COL5A2: variants seen among roughly 807,000 people sequenced by gnomAD.
COL5A2 encodes collagen alpha-2(V) chain.
Under a neutral mutation model 208.2 loss-of-function variants are expected in COL5A2, and 23 were observed. The observed-to-expected ratio is 0.11, with a 90% CI of 0.08 to 0.16. The LOEUF is 0.16. Among genes scored for constraint, COL5A2 ranks in the 10% least tolerant of loss-of-function variants. COL5A2 has a pLI of 1.00. For missense variants in COL5A2, 1,590 were observed against 1,956.4 expected (o/e 0.81, Z 3.53); for synonymous variants, 625 against 628.5 (o/e 0.99, Z 0.08).
At position 189,058,346 on chromosome 2, in the gene COL5A2, C is replaced by A; in HGVS notation, c.2229+83G>T. Reference sequence around the variant, plus strand: ...ATCAAATTATCTTTCAAAAACAAGACAAATGCATTCTCACACCATCATGCG... The same window carrying A: ...ATCAAATTATCTTTCAAAAACAAGAAAAATGCATTCTCACACCATCATGCG... On this transcript the variant is annotated intron_variant, in intron 33 of 53. Coordinates refer to ENST00000374866, the MANE Select transcript of COL5A2 (RefSeq NM_000393.5). 3 of 1,068,426 alleles carry A rather than the reference C, an allele frequency of 2.8e-6. No individual in the cohort carries two copies. In the South Asian group the frequency reaches 3.9e-5, roughly 14 times the overall value. 66.2% of individuals were successfully genotyped at this position (1,068,426 alleles called of 1,614,324 possible). A position where few individuals can be genotyped will look rare whatever the true frequency, so the allele number is the denominator to read the frequency against.
the COL5A2 span, among the ~76,000 whole-genome samples, chr2:189,433,865 C>T: frequency 6.6e-6 from 1 of 152,144 alleles, no homozygotes; most frequent in African/African-American, 2.4e-5. Context: ...CAAATCCTGG[C>T]AGAGACACAA....
chr2:189,355,843 C>T, the COL5A2 span, among the ~76,000 whole-genome samples: 26 of 152,216 alleles, frequency 1.7e-4, no homozygotes, highest in South Asian at 4.1e-4. Flanking sequence ...TTACTTTGCC[C>T]GTTACTTGAT....
intron 1 of COL5A2, among the ~76,000 whole-genome samples, chr2:189,151,863 C>T (rs1433784459): frequency 6.6e-6 from 1 of 152,114 alleles, no homozygotes; most frequent in Non-Finnish European, 1.5e-5. Flanking sequence ...ATTTAAAAGC[C>T]ACTTTACTTT....
the COL5A2 span, chr2:189,311,575 C>T: frequency 2.4e-6 from 3 of 1,229,622 alleles, no homozygotes; most frequent in Non-Finnish European, 3.5e-6. Context: ...GGGCCTCCAC[C>T]TCCCTCAGGC....
At chr2:189,366,498 C>T in the COL5A2 span, among the ~76,000 whole-genome samples, 20 of 152,288 alleles carry the variant, frequency 1.3e-4, no homozygotes, top group Non-Finnish European at 7.4e-5. Flanking sequence ...AATTATTTAG[C>T]GCAAAAAGTC....
the COL5A2 span, among the ~76,000 whole-genome samples, chr2:189,345,799 C>G: frequency 6.6e-6 from 1 of 151,966 alleles, no homozygotes; most frequent in Admixed American, 6.6e-5. Context: ...TAATGTAGCC[C>G]AATTTATGCA....
At position 189,066,396 on chromosome 2, in the gene COL5A2, T is replaced by C. The variant is rs1686148696; in HGVS notation, c.1557A>G (p.Gly519=). The C allele has an allele frequency of 2.5e-6, 4 of 1,613,384 alleles. No individual in the cohort carries two copies. The African/African-American group carries it at 5.3e-5, about 22-fold the overall frequency. The change falls in exon 23 of 54, where the codon GGA becomes GGG. Residue 519 remains glycine, a synonymous_variant. Coordinates refer to ENST00000374866, the MANE Select transcript of COL5A2 (RefSeq NM_000393.5). The part of the protein sequence containing the change: ...PGTVGPPGPV[G]ERGAPGNRGF... ...TTGTATTATTTAAATTTACCCTTTC[T>C]CCCACTGGCCCTGGAGGACCAACTG...
chr2:189,217,402 C>G (rs1426889049), intron 1 of COL5A2, among the ~76,000 whole-genome samples: 1 of 152,098 alleles, frequency 6.6e-6, no homozygotes, highest in Non-Finnish European at 1.5e-5. Flanking sequence ...TTTTGTCATT[C>G]TTTCCTTTGT....
chr2:189,177,798 T>C (rs1197076286), intron 1 of COL5A2, among the ~76,000 whole-genome samples: 1 of 152,228 alleles, frequency 6.6e-6, no homozygotes, highest in East Asian at 1.9e-4. Context: ...AGAGTAATTA[T>C]AACTATTTGG....
At chr2:189,420,315 T>A in the COL5A2 span, among the ~76,000 whole-genome samples, 1 of 152,110 alleles carries the variant, frequency 6.6e-6, no homozygotes, top group Non-Finnish European at 1.5e-5. Context: ...CATAATTAAA[T>A]TTTAAGAATG....
chr2:189,312,103 C>T, the COL5A2 span: 31 of 805,120 alleles, frequency 3.9e-5, no homozygotes, highest in African/African-American at 5.2e-4. Flanking sequence ...CTGGCATTGT[C>T]CACAGCATTT....
chr2:189,393,992 A>G, the COL5A2 span, among the ~76,000 whole-genome samples: 1 of 152,064 alleles, frequency 6.6e-6, no homozygotes, highest in Non-Finnish European at 1.5e-5. Flanking sequence ...GTTGTAGGCC[A>G]TTTTCTTCCA....
the COL5A2 span, among the ~76,000 whole-genome samples, chr2:189,248,651 C>A: frequency 6.6e-6 from 1 of 152,084 alleles, no homozygotes; most frequent in Non-Finnish European, 1.5e-5. Context: ...TAATATGTGG[C>A]TTTTAAAAAT....
intron 1 of COL5A2, among the ~76,000 whole-genome samples, chr2:189,195,751 T>C (rs540382582): frequency 2.9e-4 from 44 of 152,284 alleles, no homozygotes; most frequent in African/African-American, 8.2e-4. Flanking sequence ...CTGAGAAAAC[T>C]GGCTAGCCAT....
At chr2:189,150,925 T>C (rs1688129700) in intron 1 of COL5A2, among the ~76,000 whole-genome samples, 1 of 152,132 alleles carries the variant, frequency 6.6e-6, no homozygotes, top group Admixed American at 6.6e-5. Flanking sequence ...TATTCTCAGT[T>C]AGGTCAAAGG....
At chr2:189,051,779 G>T (rs1437222723) in intron 41 of COL5A2, among the ~76,000 whole-genome samples, 1 of 152,158 alleles carries the variant, frequency 6.6e-6, no homozygotes, top group African/African-American at 2.4e-5. Flanking sequence ...CCACTCCAAT[G>T]ATGAATATAT....
intron 1 of COL5A2, among the ~76,000 whole-genome samples, chr2:189,146,841 T>A (rs781458925): frequency 3.9e-5 from 6 of 152,076 alleles, no homozygotes; most frequent in Admixed American, 6.6e-5. Context: ...GAAACAAGCA[T>A]CTAAATCAAA....
intron 1 of COL5A2, among the ~76,000 whole-genome samples, chr2:189,114,357 A>T (rs115693809): frequency 6.6e-6 from 1 of 152,176 alleles, no homozygotes; most frequent in African/African-American, 2.4e-5. Flanking sequence ...GTTGTACACC[A>T]TATGATTAAG....
At chr2:189,185,116 C>T (rs549738687) in intron 1 of COL5A2, among the ~76,000 whole-genome samples, 181 of 152,162 alleles carry the variant, frequency 1.2e-3, no homozygotes, top group Middle Eastern at 3.4e-3. Context: ...CTCCGCCTCC[C>T]GGGTTCAAAC....
Sources: gnomAD v4.1 joint callset for allele counts (sites outside exome capture counted in the v4.1 genomes callset) on GRCh38, gnomAD v4.1.1 for gene constraint, MANE v1.5 for transcripts, NCBI Gene and HGNC (gene_info 2026-07-23, HGNC 2026-07-21) for gene names.